Variants in AKAP8L observed in about 807,000 individuals in gnomAD.
AKAP8L encodes the protein A-kinase anchoring protein 8 like.
A neutral mutation model predicts 77.5 loss-of-function variants in AKAP8L; 34 were observed. The ratio of observed to expected loss-of-function variants is 0.44; its 90% CI spans 0.33 to 0.58. The LOEUF is 0.58. Among genes scored for constraint, AKAP8L ranks in the 20% least tolerant of loss-of-function variants. The pLI is 0.02. For synonymous variants in AKAP8L, 342 were observed against 340.7 expected (o/e 1.00, Z -0.04); for missense variants, 806 against 887.6 (o/e 0.91, Z 1.17).
At chr19:15,418,386 T>G (rs1270955249) in intron 1 of AKAP8L, among the ~76,000 whole-genome samples, 1 of 151,944 alleles carries the variant, frequency 6.6e-6, no homozygotes, top group Non-Finnish European at 1.5e-5. Flanking sequence ...ACCCTTCCAA[T>G]ATTTACTTAT....
intron 12 of AKAP8L, chr19:15,380,941 G>A (rs1230068216): frequency 7.1e-6 from 2 of 280,524 alleles, no homozygotes. Flanking sequence ...AAAGGTGGGT[G>A]CAACCTGTAA....
At position 15,398,738 on chromosome 19, in the gene AKAP8L, C is replaced by T. The variant is rs1383294778; in HGVS notation, c.1157+564G>A. ...GTCCAGCAAGAGCAAGAGTCTGAGG[C>T]GGAGGAGGCAAGCGCCAGTGCGGGA... On this transcript the variant is annotated intron_variant, in intron 9 of 13. Transcript: ENST00000397410. The surrounding 1 kb of genome is among the most constrained non-coding windows in gnomAD (Gnocchi z 9.2). 3.0e-6 allele frequency: 3 copies of T among 990,082 alleles called. No individual in the cohort carries two copies. The highest frequency in any genetic ancestry group is 3.6e-6 in the Non-Finnish European group (3 of 833,146). The allele number at this position is 990,082 out of a possible 1,614,324, so 61.3% of individuals were successfully genotyped here.
chr19:15,412,698 T>G (rs902464379), intron 1 of AKAP8L, among the ~76,000 whole-genome samples: 1 of 152,152 alleles, frequency 6.6e-6, no homozygotes, highest in African/African-American at 2.4e-5. Context: ...CGTGCCACCA[T>G]GTCCGGCTGA....
In AKAP8L at chr19:15,380,269, C is replaced by T. The variant is rs1967373166; in HGVS notation, c.1794G>A (p.Gly598=). ...GCGGCGGCGGTGGCGGCGACACGGCCCCGGGGGCTGGCTCTGGGGGCACGG... is the reference window on the plus strand; with the variant it reads ...GCGGCGGCGGTGGCGGCGACACGGCTCCGGGGGCTGGCTCTGGGGGCACGG... ...QPPVPPEPAP[G]AVSPPPPPPP... The change falls in exon 14 of 14, where the codon GGG becomes GGA. Residue 598 remains glycine, a synonymous_variant. Transcript: ENST00000397410. 1 of 1,516,260 alleles carries T rather than the reference C, an allele frequency of 6.6e-7. No homozygotes were observed. The highest frequency in any genetic ancestry group is 1.4e-5 in the African/African-American group (1 of 70,394). 93.9% of individuals were successfully genotyped at this position (1,516,260 alleles called of 1,614,324 possible).
chr19:15,401,324 A>C lies in AKAP8L; in HGVS notation c.642T>G (p.Gly214=), dbSNP rs768012578. The C allele has an allele frequency of 1.2e-6, 2 of 1,613,546 alleles. No individual in the cohort carries two copies. The highest frequency in any genetic ancestry group is 3.3e-5 in the Admixed American group (2 of 60,032). ...AGAAGAGGGAGGGCAGCCGAGAGGCACCAGACATGCACTGGCCCCGGGCCC... is the reference window on the plus strand; with the variant it reads ...AGAAGAGGGAGGGCAGCCGAGAGGCCCCAGACATGCACTGGCCCCGGGCCC... The part of the protein sequence containing the change: ...PMGARGQCMS[G]ASRLPSLFSQ... The change falls in exon 5 of 14, where the codon GGT becomes GGG. Residue 214 remains glycine (G), a synonymous_variant. Transcript: ENST00000397410. This position sits in a 1 kb window ranked among gnomAD's most constrained non-coding sequence, Gnocchi z 6.2.
intron 12 of AKAP8L, among the ~76,000 whole-genome samples, chr19:15,394,759 A>G (rs749952584): frequency 2.0e-5 from 3 of 152,118 alleles, no homozygotes; most frequent in African/African-American, 4.8e-5. Flanking sequence ...ACAGTATGTG[A>G]TTCTATCTCA....
chr19:15,397,809 C>T lies in AKAP8L; in HGVS notation c.1204G>A (p.Asp402Asn). The change falls in exon 10 of 14, where the codon GAC (aspartate) becomes AAC (asparagine). Residue 402 changes from aspartate (D) to asparagine (N), a missense_variant. Transcript: ENST00000397410. This position sits in a 1 kb window ranked among gnomAD's most constrained non-coding sequence, Gnocchi z 4.7. ...CTGTCAAGATGGCTGGCCATCTCGT[C>T]CTCATAGAAGGTCCGGTATTTGCAC... is the stretch of plus-strand genomic sequence containing the variant. ...SLCKYRTFYE[D>N]EMASHLDSKF... is the part of the protein sequence containing the mutation. 6.2e-7 allele frequency: 1 copy of T among 1,613,966 alleles called. No individual in the cohort carries two copies. The highest frequency in any genetic ancestry group is 1.1e-5 in the South Asian group (1 of 91,078).
chr19:15,394,410 G>A (rs945914297), intron 12 of AKAP8L, among the ~76,000 whole-genome samples: 6 of 152,186 alleles, frequency 3.9e-5, no homozygotes, highest in African/African-American at 1.2e-4. Context: ...AAGGCTGGAG[G>A]AGGACAAGAG....
intron 12 of AKAP8L, among the ~76,000 whole-genome samples, chr19:15,382,931 A>G (rs183879609): frequency 6.6e-6 from 1 of 152,316 alleles, no homozygotes; most frequent in Admixed American, 6.5e-5. Flanking sequence ...GTTATGAGGT[A>G]GAGGGTCCAA....
rs767610266 is a variant in AKAP8L, at chr19:15,398,136, C to T, written c.1158-281G>A. Reference sequence around the variant, plus strand: ...AGACAGCAGCTGCTGCAACAGGCAACGAGTCGCTGGAAAGTTGCTGGAGGG... The same window carrying T: ...AGACAGCAGCTGCTGCAACAGGCAATGAGTCGCTGGAAAGTTGCTGGAGGG... On this transcript the variant is annotated intron_variant, in intron 9 of 13. Coordinates refer to ENST00000397410, the MANE Select transcript of AKAP8L (RefSeq NM_014371.4). This position sits in a 1 kb window ranked among gnomAD's most constrained non-coding sequence, Gnocchi z 9.2. 10 of 463,554 alleles carry T rather than the reference C, an allele frequency of 2.2e-5. No homozygotes were observed. Among genetic ancestry groups the T allele is most frequent in the Admixed American group, 3.4e-5 (1 of 29,190 alleles). 28.7% of individuals were successfully genotyped at this position (463,554 alleles called of 1,614,324 possible). A position where few individuals can be genotyped will look rare whatever the true frequency, so the allele number is the denominator to read the frequency against.
At position 15,401,061 on chromosome 19, in the gene AKAP8L, G is replaced by C. The variant is rs779447768; in HGVS notation, c.817-18C>G. The C allele has an allele frequency of 5.0e-6, 8 of 1,610,780 alleles. No homozygotes were observed. The African/African-American group carries it at 1.1e-4, about 21-fold the overall frequency. On this transcript the variant is annotated intron_variant, in intron 5 of 13. Coordinates refer to ENST00000397410, the MANE Select transcript of AKAP8L (RefSeq NM_014371.4). The surrounding 1 kb of genome is among the most constrained non-coding windows in gnomAD (Gnocchi z 6.2). ...TTCTTGGTCTGGGTCATAAGGGGGG[G>C]AAGCCGTGTCAGGGTGCATGGCACC... is the stretch of plus-strand genomic sequence containing the variant.
At position 15,397,455 on chromosome 19, in the gene AKAP8L, G is replaced by A; in HGVS notation, c.1405+65C>T. On this transcript the variant is annotated intron_variant, in intron 11 of 13. Transcript: ENST00000397410. This position sits in a 1 kb window ranked among gnomAD's most constrained non-coding sequence, Gnocchi z 4.7. ...GGGAACAGAAGGGTGTCCTGACCCT[G>A]CACCGAAAATCAGGAGTGCAGGCTG... The A allele has an allele frequency of 6.6e-7, 1 of 1,522,894 alleles. No homozygotes were observed. The highest frequency in any genetic ancestry group is 9.0e-7 in the Non-Finnish European group (1 of 1,105,186). The allele number at this position is 1,522,894 out of a possible 1,614,324, so 94.3% of individuals were successfully genotyped here. A position where few individuals can be genotyped will look rare whatever the true frequency, so the allele number is the denominator to read the frequency against.
Position 15,380,403 on chromosome 19 carries a change from C to T in AKAP8L, c.1660G>A (p.Glu554Lys). ...GCCTCCTCCTGCTCCTTCTCCTCCT[C>T]GGGGCTGTCGGTGAAAGGGTTCTCG... ...KGENPFTDSPEEEKEQEEAEG... is the reference protein window; with the variant it reads ...KGENPFTDSPKEEKEQEEAEG... Residue 554 changes from glutamate to lysine, a missense_variant, in exon 14 of 14, where the codon GAG (glutamate) becomes AAG (lysine). Coordinates refer to ENST00000397410, the MANE Select transcript of AKAP8L (RefSeq NM_014371.4). The T allele has an allele frequency of 1.3e-6, 2 of 1,594,170 alleles. No individual in the cohort carries two copies. The highest frequency in any genetic ancestry group is 1.7e-6 in the Non-Finnish European group (2 of 1,171,768).
Position 15,397,729 on chromosome 19 carries a change from C to T in AKAP8L, c.1284G>A (p.Thr428=), listed in dbSNP as rs79796304. 4.0e-4 allele frequency: 643 copies of T among 1,613,994 alleles called. 4 individuals are homozygous for T. In the African/African-American group the frequency reaches 7.5e-3, roughly 19 times the overall value. The part of the protein sequence containing the change: ...KYVGTKLPKQ[T]ADFLQEYVTN... ...CAAGGCTCACCTGCAGAAAGTCAGCCGTCTGCTTAGGGAGCTTGGTGCCTA... is the reference window on the plus strand; with the variant it reads ...CAAGGCTCACCTGCAGAAAGTCAGCTGTCTGCTTAGGGAGCTTGGTGCCTA... Residue 428 remains threonine, a synonymous_variant, in exon 10 of 14, where the codon ACG becomes ACA. Transcript: ENST00000397410. This position sits in a 1 kb window ranked among gnomAD's most constrained non-coding sequence, Gnocchi z 4.7.
At chr19:15,387,145 A>C (rs1313812784) in intron 12 of AKAP8L, among the ~76,000 whole-genome samples, 2 of 152,242 alleles carry the variant, frequency 1.3e-5, no homozygotes, top group African/African-American at 4.8e-5. Flanking sequence ...TTCATAAAGC[A>C]GAGGTCCCAT....
chr19:15,382,561 AAGTCTTT>A (rs1967441586), intron 12 of AKAP8L, among the ~76,000 whole-genome samples: 1 of 152,154 alleles, frequency 6.6e-6, no homozygotes, highest in African/African-American at 2.4e-5. Flanking sequence ...TTATGACCAG[AAGTCTTT>A]CAGATTTTGA....
intron 1 of AKAP8L, among the ~76,000 whole-genome samples, chr19:15,415,565 A>G (rs6512030): frequency 0.82 from 124,268 of 152,018 alleles, 51,244 homozygotes; most frequent in East Asian, 0.99. Flanking sequence ...ATCATAGCTC[A>G]GCAATGTTGA....
Position 15,401,393 on chromosome 19 carries a change from C to T in AKAP8L, c.573G>A (p.Arg191=). The change falls in exon 5 of 14, where the codon CGG becomes CGA. Residue 191 remains arginine, a synonymous_variant. Transcript: ENST00000397410. This position sits in a 1 kb window ranked among gnomAD's most constrained non-coding sequence, Gnocchi z 6.2. The part of the protein sequence containing the change: ...QGWARDARSG[R]PMASGYGRMW... Reference sequence around the variant, plus strand: ...TGCGCCCATAGCCTGAGGCCATTGGCCGGCCGCTCCGGGCATCCCGGGCCC... The same window carrying T: ...TGCGCCCATAGCCTGAGGCCATTGGTCGGCCGCTCCGGGCATCCCGGGCCC... 6.2e-7 allele frequency: 1 copy of T among 1,613,146 alleles called. No homozygotes were observed.
Position 15,380,230 on chromosome 19 carries a change from C to T in AKAP8L, c.1833G>A (p.Glu611=), listed in dbSNP as rs1411196958. 1 of 1,509,676 alleles carries T rather than the reference C, an allele frequency of 6.6e-7. No homozygotes were observed. The highest frequency in any genetic ancestry group is 8.8e-7 in the Non-Finnish European group (1 of 1,137,644). The allele number at this position is 1,509,676 out of a possible 1,614,324, so 93.5% of individuals were successfully genotyped here. ...CCAGCAAGGGCACGGCGCCCTCCTC[C>T]TCCTCCTCTGGGGGCGGCGGCGGTG... ...SPPPPPPPEE[E]EEGAVPLLGG... is the part of the protein sequence containing the mutation. Residue 611 remains glutamate (E), a synonymous_variant, in exon 14 of 14, where the codon GAG becomes GAA. Coordinates refer to ENST00000397410, the MANE Select transcript of AKAP8L (RefSeq NM_014371.4).
Sources: gnomAD v4.1 joint callset for allele counts (sites outside exome capture counted in the v4.1 genomes callset) on GRCh38, gnomAD v4.1.1 for gene constraint, Gnocchi (gnomAD v3.1) non-coding constraint, MANE v1.5 for transcripts, NCBI Gene and HGNC (gene_info 2026-07-23, HGNC 2026-07-21) for gene names.